Variants in STX18 observed in about 807,000 individuals in gnomAD.
STX18 encodes the protein syntaxin-18.
STX18 carries 40 observed loss-of-function variants against 50.1 expected under a neutral mutation model. That is an observed-to-expected ratio of 0.80 (90% CI 0.62 to 1.04). The LOEUF is 1.04. Ranked by LOEUF, STX18 falls within the 50% of genes least tolerant of loss-of-function variation. STX18 has a pLI of 0.00. For synonymous variants in STX18, 158 were observed against 151.8 expected (o/e 1.04, Z -0.30); for missense variants, 410 against 415.8 (o/e 0.99, Z 0.12).
At chr4:4,461,614 G>C (rs1002815301) in intron 2 of STX18, among the ~76,000 whole-genome samples, 3 of 152,136 alleles carry the variant, frequency 2.0e-5, no homozygotes, top group Admixed American at 2.0e-4. Flanking sequence ...GCAGGCCAAG[G>C]CTAGCACATT....
At position 4,420,556 on chromosome 4, in the gene STX18, G is replaced by A; in HGVS notation, c.912+308C>T. On this transcript the variant is annotated intron_variant, in intron 10 of 10. Coordinates refer to ENST00000306200, the MANE Select transcript of STX18 (RefSeq NM_016930.4). This position sits in a 1 kb window ranked among gnomAD's most constrained non-coding sequence, Gnocchi z 4.3. ...GCCAGGCTCTGACCCCTCGGTGGGG[G>A]CCAACGAGCTACCCATGTACATCCC... 3 of 421,360 alleles carry A rather than the reference G, an allele frequency of 7.1e-6. No individual in the cohort carries two copies. The highest frequency in any genetic ancestry group is 8.5e-6 in the Non-Finnish European group (2 of 234,792). 26.1% of individuals were successfully genotyped at this position (421,360 alleles called of 1,614,324 possible). A position where few individuals can be genotyped will look rare whatever the true frequency, so the allele number is the denominator to read the frequency against.
rs552257000 is a variant in STX18 at position 4,479,361 on chromosome 4, C to A, written c.169-7655G>T. Among the ~76,000 whole-genome samples the A allele has an allele frequency of 5.3e-5, 8 of 152,302 alleles. No individual in the cohort carries two copies. The Middle Eastern group carries it at 0.02, about 389-fold the overall frequency. On this transcript the variant is annotated intron_variant, in intron 1 of 10. Coordinates refer to ENST00000306200, the MANE Select transcript of STX18 (RefSeq NM_016930.4). ...CTGTGTGCTTTTAGCTTCTGCAAGTCTACCCACAAAGATGACTCTGCTGTC... is the reference window on the plus strand; with the variant it reads ...CTGTGTGCTTTTAGCTTCTGCAAGTATACCCACAAAGATGACTCTGCTGTC...
intron 1 of STX18, chr4:4,476,087 A>T (rs1247627668): frequency 6.6e-6 from 1 of 152,240 alleles, no homozygotes; most frequent in East Asian, 1.9e-4. Context: ...GGGCAACCTA[A>T]CAGCTTCACA....
At chr4:4,515,548 A>G (rs1173282382) in intron 1 of STX18, among the ~76,000 whole-genome samples, 2 of 152,176 alleles carry the variant, frequency 1.3e-5, no homozygotes, top group Non-Finnish European at 2.9e-5. Context: ...TTTGAATACT[A>G]TACACTGTAT....
chr4:4,449,059 T>G (rs1726598583), intron 5 of STX18, among the ~76,000 whole-genome samples: 1 of 149,724 alleles, frequency 6.7e-6, no homozygotes, highest in African/African-American at 2.5e-5. Context: ...TTTTTTTTTT[T>G]TTTTTGAGAT....
chr4:4,459,348 T>C (rs1727255937), intron 3 of STX18, 24 bp downstream of exon 3: 1 of 1,566,702 alleles, frequency 6.4e-7, no homozygotes, highest in African/African-American at 1.4e-5. Flanking sequence ...TGGTTGCTTG[T>C]TTGCATCTTT....
At chr4:4,481,012 A>G (rs1235760382) in intron 1 of STX18, among the ~76,000 whole-genome samples, 1 of 152,214 alleles carries the variant, frequency 6.6e-6, no homozygotes, top group Non-Finnish European at 1.5e-5. Context: ...GAGCTCTGGG[A>G]GCATGGCTGC....
intron 1 of STX18, among the ~76,000 whole-genome samples, chr4:4,519,141 T>C (rs1730408465): frequency 6.6e-6 from 1 of 152,152 alleles, no homozygotes; most frequent in South Asian, 2.1e-4. Context: ...CATTATTTTC[T>C]TGAAAATTAA....
intron 9 of STX18, among the ~76,000 whole-genome samples, 192 bp from the exon 10 acceptor site, chr4:4,421,136 C>T (rs551305346): frequency 1.3e-5 from 2 of 152,228 alleles, no homozygotes; most frequent in African/African-American, 2.4e-5. Context: ...CTCCCTGAAG[C>T]GTATATCATG....
chr4:4,539,997 A>C (rs1731504933), intron 1 of STX18, among the ~76,000 whole-genome samples: 1 of 152,180 alleles, frequency 6.6e-6, no homozygotes, highest in Non-Finnish European at 1.5e-5. Context: ...CAATACTGTG[A>C]TATTCATACC....
intron 3 of STX18, among the ~76,000 whole-genome samples, chr4:4,458,400 T>C (rs537766117): frequency 1.1e-3 from 163 of 152,270 alleles, no homozygotes; most frequent in Non-Finnish European, 2.1e-3. Flanking sequence ...TCTGTGAAAT[T>C]GCATATAGAA....
chr4:4,507,819 A>AAT lies in STX18; in HGVS notation c.168+33977_168+33978insAT, dbSNP rs1263959473. ...CTAAATAAAATATATTCACAGTAAA[A>AAT]AAAAAAAAAAAAAAAAAAGTTAAAA... On this transcript the variant is annotated intron_variant, in intron 1 of 10. Coordinates refer to ENST00000306200, the MANE Select transcript of STX18 (RefSeq NM_016930.4). 1.2e-5 allele frequency: 7 copies of AAT among 591,162 alleles called. No homozygotes were observed. The African/African-American group carries it at 1.4e-4, about 12-fold the overall frequency. The allele number at this position is 591,162 out of a possible 1,614,324, so 36.6% of individuals were successfully genotyped here. A position where few individuals can be genotyped will look rare whatever the true frequency, so the allele number is the denominator to read the frequency against.
chr4:4,428,033 G>A (rs1272726217), intron 7 of STX18, among the ~76,000 whole-genome samples: 1 of 152,228 alleles, frequency 6.6e-6, no homozygotes, highest in Admixed American at 6.5e-5. Context: ...TACTTAAGGA[G>A]GCTGGCAGGG....
At chr4:4,519,814 C>T (rs1372824465) in intron 1 of STX18, among the ~76,000 whole-genome samples, 1 of 152,146 alleles carries the variant, frequency 6.6e-6, no homozygotes, top group Non-Finnish European at 1.5e-5. Context: ...GATGAAACTG[C>T]AATACCACAC....
chr4:4,449,042 C>CTTTTTTTTT (rs34106688), intron 5 of STX18, among the ~76,000 whole-genome samples: 1 of 110,192 alleles, frequency 9.1e-6, no homozygotes, highest in African/African-American at 3.6e-5. Flanking sequence ...GGACCCCATT[C>CTTTTTTTTT]TTTTTTTTTT....
At chr4:4,421,309 G>C (rs971373358) in intron 9 of STX18, among the ~76,000 whole-genome samples, 10 of 150,890 alleles carry the variant, frequency 6.6e-5, no homozygotes, top group African/African-American at 1.7e-4. Flanking sequence ...CAGCAACCAA[G>C]TGGCAGGACT....
intron 1 of STX18, among the ~76,000 whole-genome samples, chr4:4,502,262 T>G (rs1402386349): frequency 1.3e-5 from 2 of 152,180 alleles, no homozygotes; most frequent in Admixed American, 6.5e-5. Flanking sequence ...ACCCTAACAT[T>G]GTTTTAGTAA....
intron 6 of STX18, among the ~76,000 whole-genome samples, chr4:4,435,605 C>T (rs1418882461): frequency 1.3e-5 from 2 of 152,206 alleles, no homozygotes; most frequent in African/African-American, 4.8e-5. Context: ...TGAGGATACA[C>T]TGGTCTTTAG....
intron 2 of STX18, among the ~76,000 whole-genome samples, chr4:4,462,755 C>T (rs542674635): frequency 1.3e-5 from 2 of 152,190 alleles, no homozygotes; most frequent in South Asian, 4.2e-4. Context: ...ATGAAGAATG[C>T]CTCGGGGACA....
Sources: gnomAD v4.1 joint callset for allele counts (sites outside exome capture counted in the v4.1 genomes callset) on GRCh38, gnomAD v4.1.1 for gene constraint, Gnocchi (gnomAD v3.1) non-coding constraint, MANE v1.5 for transcripts, NCBI Gene and HGNC (gene_info 2026-07-23, HGNC 2026-07-21) for gene names.